The following ALX4 variants were observed in gnomAD, a reference collection of about 807,000 sequenced individuals.
ALX4 encodes homeobox protein aristaless-like 4.
A neutral mutation model predicts 40.6 loss-of-function variants in ALX4; 22 were observed. The observed-to-expected ratio is 0.54, with a 90% CI of 0.39 to 0.77. The LOEUF (loss-of-function observed/expected upper bound fraction) is 0.77. ALX4 is among the 30% of genes least tolerant of loss of function. ALX4 has a pLI of 0.00. For missense variants in ALX4, 556 were observed against 564.8 expected (o/e 0.98, Z 0.16); for synonymous variants, 266 against 240.5 (o/e 1.11, Z -0.98).
At chr11:44,291,807 CT>C (rs1956371022) in intron 1 of ALX4, among the ~76,000 whole-genome samples, 1 of 152,158 alleles carries the variant, frequency 6.6e-6, no homozygotes, top group African/African-American at 2.4e-5. Context: ...TGTGCTCCTT[CT>C]TTAATTTTTA....
chr11:44,277,798 G>A lies in ALX4; in HGVS notation c.467-2140C>T, dbSNP rs978561509. On this transcript the variant is annotated intron_variant, in intron 1 of 3. Transcript: ENST00000652299. ...AGAGTAGGCCTGAAAGCAGCTTCAGGAGGCTGCTCCTGAGGGCCACTGGCA... is the reference window on the plus strand; with the variant it reads ...AGAGTAGGCCTGAAAGCAGCTTCAGAAGGCTGCTCCTGAGGGCCACTGGCA... Among the ~76,000 whole-genome samples the A allele has an allele frequency of 2.0e-5, 3 of 152,162 alleles. No homozygotes were observed. In the East Asian group the frequency reaches 5.8e-4, roughly 29 times the overall value.
At chr11:44,274,685 G>T (rs1956267608) in intron 2 of ALX4, among the ~76,000 whole-genome samples, 3 of 152,170 alleles carry the variant, frequency 2.0e-5, no homozygotes, top group South Asian at 2.1e-4. Context: ...GTGTTGTGTT[G>T]TGTTGAGTTG....
chr11:44,286,065 G>A (rs527551243), intron 1 of ALX4, among the ~76,000 whole-genome samples: 4 of 152,358 alleles, frequency 2.6e-5, no homozygotes, highest in African/African-American at 9.6e-5. Flanking sequence ...GGTGGCCAGT[G>A]TGTCTGCAGG....
In ALX4 at chr11:44,309,868, A is replaced by G; in HGVS notation, c.195T>C (p.Arg65=). 6.4e-7 allele frequency: 1 copy of G among 1,568,746 alleles called. No individual in the cohort carries two copies. The highest frequency in any genetic ancestry group is 2.4e-5 in the East Asian group (1 of 42,132). ...CCAGGTCCTGCTGCCCAGCGCCGTA[A>G]CGGGCCCGGCTCTTGGCGTCCCCGA... ...QGFGDAKSRA[R]YGAGQQDLAT... is the part of the protein sequence containing the mutation. The change falls in exon 1 of 4, where the codon CGT becomes CGC. Residue 65 remains arginine (R), a synonymous_variant. Transcript: ENST00000652299.
In ALX4 at chr11:44,264,593, G is replaced by T. The variant is rs975512039; in HGVS notation, c.*261C>A. The stretch of plus-strand genomic sequence containing the variant: ...TATCATGGATGCGAAGCTGAAAAAC[G>T]TGGCCACCTGGCTTTCTCCACTGCC... On this transcript the variant is annotated 3_prime_UTR_variant, in exon 4 of 4. Coordinates refer to ENST00000652299, the MANE Select transcript of ALX4 (RefSeq NM_021926.4). The T allele has an allele frequency of 8.8e-6, 5 of 570,880 alleles. 1 individual carries two copies. The South Asian group carries it at 1.1e-4, about 13-fold the overall frequency. The allele number at this position is 570,880 out of a possible 1,614,324, so 35.4% of individuals were successfully genotyped here. A position where few individuals can be genotyped will look rare whatever the true frequency, so the allele number is the denominator to read the frequency against.
rs186430355 is a variant in ALX4, at chr11:44,309,178, C to T, written c.466+419G>A. Among the ~76,000 whole-genome samples the T allele has an allele frequency of 0.017, 813 of 49,150 alleles. 165 individuals carry two copies. The South Asian group carries it at 0.17, about 10-fold the overall frequency. 32.2% of individuals were successfully genotyped at this position (49,150 alleles called of 152,430 possible). A position where few individuals can be genotyped will look rare whatever the true frequency, so the allele number is the denominator to read the frequency against. ...GTCCCGCAGCCCCGCAGCCCCGCAG[C>T]CTCGCAGCCCCGCAGCCCCGCAGCC... On this transcript the variant is annotated intron_variant, in intron 1 of 3. Transcript: ENST00000652299.
At chr11:44,268,024 A>G (rs528989261) in intron 2 of ALX4, among the ~76,000 whole-genome samples, 1 of 152,344 alleles carries the variant, frequency 6.6e-6, no homozygotes, top group East Asian at 1.9e-4. Flanking sequence ...ACAATCACAC[A>G]CAGTTTTGCC....
intron 1 of ALX4, among the ~76,000 whole-genome samples, chr11:44,287,990 G>A (rs544369238): frequency 1.3e-5 from 2 of 152,278 alleles, no homozygotes; most frequent in Non-Finnish European, 2.9e-5. Context: ...TTGTTTGTTT[G>A]TTTTTAGACA....
At position 44,310,045 on chromosome 11, in the gene ALX4, G is replaced by A; in HGVS notation, c.18C>T (p.Cys6=). The A allele has an allele frequency of 1.9e-6, 3 of 1,597,384 alleles. No homozygotes were observed. Among genetic ancestry groups the A allele is most frequent in the African/African-American group, 1.3e-5 (1 of 74,808 alleles). The change falls in exon 1 of 4, where the codon TGC becomes TGT. Residue 6 remains cysteine (C), a synonymous_variant. Coordinates refer to ENST00000652299, the MANE Select transcript of ALX4 (RefSeq NM_021926.4). Reference sequence around the variant, plus strand: ...CGGCCGGCGACTCGCAGTAAGAGACGCAAGTCTCAGCATTCATGCCTGGCT... The same window carrying A: ...CGGCCGGCGACTCGCAGTAAGAGACACAAGTCTCAGCATTCATGCCTGGCT... MNAET[C]VSYCESPAAA...
intron 1 of ALX4, among the ~76,000 whole-genome samples, chr11:44,285,858 G>A (rs1285641300): frequency 6.6e-6 from 1 of 152,212 alleles, no homozygotes; most frequent in Non-Finnish European, 1.5e-5. Flanking sequence ...TCATGGGCCT[G>A]CTCCCTCCCT....
intron 1 of ALX4, among the ~76,000 whole-genome samples, chr11:44,305,335 T>C (rs545337088): frequency 1.3e-5 from 2 of 152,354 alleles, no homozygotes; most frequent in East Asian, 3.9e-4. Flanking sequence ...ACTTTTGTGT[T>C]TGGACCAGAC....
rs1064795941 is a variant in ALX4 at position 44,309,808 on chromosome 11, GC to G, written c.254del (p.Gly85AlafsTer96). 1.3e-6 allele frequency: 2 copies of G among 1,551,388 alleles called. No individual in the cohort carries two copies. The highest frequency in any genetic ancestry group is 2.7e-5 in the African/African-American group (2 of 73,112). ...GCTGGGGCTGGAACTTGTTAAAGGA[GC>G]CCCGCGCCCCAGCTCCACTCTCCAG... ...TPLESGAGAR[G>X]SFNKFQPQPS... On this transcript the variant is annotated frameshift_variant, in exon 1 of 4. Transcript: ENST00000652299. LOFTEE classifies it high-confidence loss of function.
chr11:44,268,494 A>G (rs900858516), intron 2 of ALX4, among the ~76,000 whole-genome samples: 1 of 152,158 alleles, frequency 6.6e-6, no homozygotes, highest in African/African-American at 2.4e-5. Flanking sequence ...ACTGAGCACA[A>G]GTGGATGGGA....
intron 2 of ALX4, among the ~76,000 whole-genome samples, chr11:44,269,804 G>A (rs1051036632): frequency 3.9e-5 from 6 of 152,224 alleles, no homozygotes; most frequent in African/African-American, 4.8e-5. Flanking sequence ...ATGAGAGAAT[G>A]AATCAGAGGA....
Position 44,277,850 on chromosome 11 carries a change from C to T in ALX4, c.467-2192G>A, listed in dbSNP as rs535775670. On this transcript the variant is annotated intron_variant, in intron 1 of 3. Transcript: ENST00000652299. ...TGCAGACGCCATGGGGGTGCACGAC[C>T]GGCCCAGCGGCATCACGCATGACAC... is the stretch of plus-strand genomic sequence containing the variant. 1.4e-4 allele frequency among the ~76,000 whole-genome samples: 22 copies of T among 152,326 alleles called. No individual in the cohort carries two copies. In the East Asian group the frequency reaches 1.5e-3, roughly 11 times the overall value.
At position 44,264,698 on chromosome 11, in the gene ALX4, C is replaced by CG; in HGVS notation, c.*155dup. The stretch of plus-strand genomic sequence containing the variant: ...CTGCCCCCTCCCTCCCAGCAGTCCA[C>CG]GGGGCCTCAGACTTGGGGCGGCTGA... On this transcript the variant is annotated 3_prime_UTR_variant, in exon 4 of 4. Transcript: ENST00000652299. 1 of 812,048 alleles carries CG rather than the reference C, an allele frequency of 1.2e-6. No individual in the cohort carries two copies. The highest frequency in any genetic ancestry group is 1.9e-6 in the Non-Finnish European group (1 of 524,374). 50.3% of individuals were successfully genotyped at this position (812,048 alleles called of 1,614,324 possible). A position where few individuals can be genotyped will look rare whatever the true frequency, so the allele number is the denominator to read the frequency against.
At position 44,275,359 on chromosome 11, in the gene ALX4, C is replaced by A; in HGVS notation, c.766G>T (p.Ala256Ser). 1.2e-6 allele frequency: 2 copies of A among 1,614,186 alleles called. No individual in the cohort carries two copies. Among genetic ancestry groups the A allele is most frequent in the Middle Eastern group, 1.6e-4 (1 of 6,062 alleles). Reference protein sequence around the residue: ...QLAMRTDLTEARVQVWFQNRR... With the variant: ...QLAMRTDLTESRVQVWFQNRR... ...TGGCCCTCACTGACCTGCACGCGGG[C>A]CTCAGTGAGGTCTGTCCTCATGGCC... The change falls in exon 2 of 4, where the codon GCC (alanine) becomes TCC (serine). Residue 256 changes from alanine (A) to serine (S), a missense_variant. Transcript: ENST00000652299.
At chr11:44,294,453 G>A (rs137891006) in intron 1 of ALX4, among the ~76,000 whole-genome samples, 6 of 152,376 alleles carry the variant, frequency 3.9e-5, no homozygotes, top group African/African-American at 7.2e-5. Context: ...ACATTCAGCA[G>A]GGAGAGAGTT....
At chr11:44,274,193 G>C (rs540752438) in intron 2 of ALX4, among the ~76,000 whole-genome samples, 9 of 152,186 alleles carry the variant, frequency 5.9e-5, no homozygotes, top group Admixed American at 5.9e-4. Context: ...AAATAGGACA[G>C]TGTAACAAAA....
Sources: gnomAD v4.1 joint callset for allele counts (sites outside exome capture counted in the v4.1 genomes callset) on GRCh38, gnomAD v4.1.1 for gene constraint, MANE v1.5 for transcripts, NCBI Gene and HGNC (gene_info 2026-07-23, HGNC 2026-07-21) for gene names.